The following INVS variants were observed in gnomAD, a reference collection of about 807,000 sequenced individuals.
INVS encodes the protein inversion of embryo turning homolog.
INVS carries 86 observed loss-of-function variants against 108.8 expected under a neutral mutation model. The ratio of observed to expected loss-of-function variants is 0.79; its 90% CI spans 0.66 to 0.95. The LOEUF (loss-of-function observed/expected upper bound fraction) is 0.95, where lower values mean the gene tolerates loss of function less well. Among genes scored for constraint, INVS ranks in the 40% least tolerant of loss-of-function variants. The pLI is 0.00. For missense variants in INVS, 1,169 were observed against 1,297.4 expected (o/e 0.90, Z 1.52); for synonymous variants, 455 against 473.5 (o/e 0.96, Z 0.51).
At chr9:100,187,509 G>T (rs1277364699) in intron 3 of INVS, among the ~76,000 whole-genome samples, 2 of 137,878 alleles carry the variant, frequency 1.5e-5, no homozygotes, top group African/African-American at 2.9e-5. Context: ...CCATTTGTTT[G>T]TATCATCTAT....
In INVS at chr9:100,185,516, A is replaced by AATATATATATATAT. The variant is rs35603398; in HGVS notation, c.274-40517_274-40504dup. ...ACACTTCATTTTGTATATGCATAGA[A>AATATATATATATAT]ATATATATATATATATATATATATA... On this transcript the variant is annotated intron_variant, in intron 3 of 16. Transcript: ENST00000262457. 2.6e-3 allele frequency among the ~76,000 whole-genome samples: 285 copies of AATATATATATATAT among 110,710 alleles called. 2 individuals are homozygous for AATATATATATATAT. The highest frequency in any genetic ancestry group is 5.2e-3 in the South Asian group (13 of 2,482). The allele number at this position is 110,710 out of a possible 152,430, so 72.6% of individuals were successfully genotyped here.
At chr9:100,277,983 C>T (rs549417716) in intron 12 of INVS, among the ~76,000 whole-genome samples, 34 of 152,140 alleles carry the variant, frequency 2.2e-4, no homozygotes, top group African/African-American at 8.2e-4. Flanking sequence ...AATCACAGCA[C>T]TTTAGGAGGC....
At chr9:100,179,931 G>C (rs143769229) in intron 3 of INVS, among the ~76,000 whole-genome samples, 3,977 of 150,586 alleles carry the variant, frequency 0.026, 76 homozygotes, top group Non-Finnish European at 0.039. Flanking sequence ...AATGGAAATC[G>C]TAACAGTCTC....
intron 5 of INVS, 34 bp downstream of exon 5, chr9:100,229,861 C>G: frequency 6.2e-7 from 1 of 1,608,206 alleles, no homozygotes; most frequent in South Asian, 1.1e-5. Context: ...CCTGAATGGC[C>G]TTGAAATTTT....
At chr9:100,160,132 T>C (rs1184998877) in intron 3 of INVS, among the ~76,000 whole-genome samples, 4 of 152,224 alleles carry the variant, frequency 2.6e-5, no homozygotes. Flanking sequence ...AATGCCCTTC[T>C]GGGAGCTCAT....
chr9:100,293,521 T>C (rs1445746954), intron 14 of INVS, among the ~76,000 whole-genome samples: 3 of 152,250 alleles, frequency 2.0e-5, no homozygotes, highest in Non-Finnish European at 4.4e-5. Flanking sequence ...CTTATGTCTT[T>C]ACTACCCAGG....
chr9:100,124,418 ACT>A, intron 2 of INVS, among the ~76,000 whole-genome samples: 1 of 152,030 alleles, frequency 6.6e-6, no homozygotes, highest in East Asian at 1.9e-4. Flanking sequence ...TCGAAACATA[ACT>A]CTAAAAATTA....
In INVS at chr9:100,297,947, G is replaced by A. The variant is rs375774619; in HGVS notation, c.3028G>A (p.Glu1010Lys). The change falls in exon 16 of 17, where the codon GAA (glutamate) becomes AAA (lysine). Residue 1010 changes from glutamate to lysine, a missense_variant. By Grantham distance (56) the Glu-to-Lys change is moderately conservative. Transcript: ENST00000262457. ...VLKQIYGCSH[E>K]GKIHHPTRSV... ...TTGGTTCATTTCAGGTTGTTCTCACGAAGGGAAAATACATCATCCTACAAG... is the reference window on the plus strand; with the variant it reads ...TTGGTTCATTTCAGGTTGTTCTCACAAAGGGAAAATACATCATCCTACAAG... The A allele has an allele frequency of 5.0e-5, 80 of 1,614,024 alleles. 2 individuals are homozygous for A. In the Middle Eastern group the frequency reaches 1.5e-3, roughly 30 times the overall value.
At chr9:100,138,714 T>A (rs986576933) in intron 3 of INVS, among the ~76,000 whole-genome samples, 4 of 149,364 alleles carry the variant, frequency 2.7e-5, no homozygotes, top group Non-Finnish European at 4.5e-5. Flanking sequence ...TTTTTTTTTT[T>A]TTTTCCTTTC....
chr9:100,276,883 C>A (rs1223605640), intron 12 of INVS, among the ~76,000 whole-genome samples: 1 of 152,202 alleles, frequency 6.6e-6, no homozygotes, highest in Non-Finnish European at 1.5e-5. Context: ...ATTTCTAAGT[C>A]TCATTTCTCT....
chr9:100,143,261 G>A (rs1332110336), intron 3 of INVS, among the ~76,000 whole-genome samples: 1 of 152,094 alleles, frequency 6.6e-6, no homozygotes, highest in Non-Finnish European at 1.5e-5. Flanking sequence ...GGGTAGATAG[G>A]CAAAACAATT....
intron 10 of INVS, among the ~76,000 whole-genome samples, chr9:100,258,341 G>T (rs954721156): frequency 2.0e-5 from 3 of 152,086 alleles, no homozygotes; most frequent in East Asian, 3.9e-4. Context: ...CTTTGCAATG[G>T]GTTCGAACAT....
At chr9:100,146,526 T>G (rs1323299759) in intron 3 of INVS, among the ~76,000 whole-genome samples, 1 of 152,240 alleles carries the variant, frequency 6.6e-6, no homozygotes, top group Non-Finnish European at 1.5e-5. Context: ...CCTGACACTT[T>G]GTGTCTGGCT....
chr9:100,188,635 C>CTT (rs11309021), intron 3 of INVS, among the ~76,000 whole-genome samples: 4 of 128,264 alleles, frequency 3.1e-5, no homozygotes, highest in Admixed American at 2.3e-4. Flanking sequence ...TAGTTTCTTT[C>CTT]TTTTTTTTTT....
At chr9:100,150,235 A>G (rs1828766552) in intron 3 of INVS, among the ~76,000 whole-genome samples, 1 of 152,166 alleles carries the variant, frequency 6.6e-6, no homozygotes, top group Non-Finnish European at 1.5e-5. Context: ...TGGCTGTGGA[A>G]TTTTGTTTTA....
chr9:100,252,881 T>G, intron 9 of INVS, 26 bp from the exon 10 acceptor site: 6 of 1,504,096 alleles, frequency 4.0e-6, no homozygotes, highest in Non-Finnish European at 5.5e-6. Flanking sequence ...ATATTAGACA[T>G]TCTCATTATA....
chr9:100,213,440 G>A (rs543425808), intron 3 of INVS, among the ~76,000 whole-genome samples: 3 of 151,818 alleles, frequency 2.0e-5, no homozygotes, highest in African/African-American at 4.8e-5. Context: ...TCCTGGGCTC[G>A]AGTGATCTGC....
At chr9:100,161,643 A>ATGGG (rs1230730432) in intron 3 of INVS, among the ~76,000 whole-genome samples, 10 of 152,140 alleles carry the variant, frequency 6.6e-5, no homozygotes, top group South Asian at 2.1e-4. Context: ...GGATGGATGG[A>ATGGG]TGGGTGGGTG....
At position 100,100,408 on chromosome 9, in the gene INVS, G is replaced by C. The variant is rs1826788618; in HGVS notation, c.-25+992G>C. On this transcript the variant is annotated intron_variant, in intron 1 of 16. Transcript: ENST00000262457. ...AAATGGGAAATTTTAAAAGAGCAGA[G>C]ACTTGTAAGTATGAACTCATTATTC... Among the ~76,000 whole-genome samples, 5 of 149,758 alleles carry C rather than the reference G, an allele frequency of 3.3e-5. No homozygotes were observed. The South Asian group carries it at 1.0e-3, about 31-fold the overall frequency.
Sources: allele counts gnomAD v4.1 joint callset (sites outside exome capture counted in the v4.1 genomes callset), GRCh38; gene constraint gnomAD v4.1.1; transcripts MANE v1.5; gene names NCBI Gene and HGNC (gene_info 2026-07-23, HGNC 2026-07-21).